GNS: variants seen among roughly 807,000 people sequenced by gnomAD.
GNS encodes the protein N-acetylglucosamine-6-sulfatase.
Under a neutral mutation model 69.7 loss-of-function variants are expected in GNS, and 40 were observed. That is an observed-to-expected ratio of 0.57 (90% CI 0.45 to 0.75). The LOEUF is 0.75. GNS is among the 30% of genes least tolerant of loss of function. The pLI, the probability that GNS is intolerant of heterozygous loss-of-function variation, is 0.00. For missense variants in GNS, 565 were observed against 685.5 expected (o/e 0.82, Z 1.96); for synonymous variants, 243 against 251.6 (o/e 0.97, Z 0.32).
chr12:64,752,726 C>G lies in GNS; in HGVS notation c.224G>C (p.Gly75Ala). The G allele has an allele frequency of 6.5e-7, 1 of 1,536,284 alleles. No individual in the cohort carries two copies. The highest frequency in any genetic ancestry group is 1.1e-5 in the South Asian group (1 of 89,124). The change falls in exon 2 of 14, where the codon GGA becomes GCA. Residue 75 changes from glycine to alanine, a missense_variant. By Grantham distance (60) the Gly-to-Ala change is moderately conservative. Coordinates refer to ENST00000258145, the MANE Select transcript of GNS (RefSeq NM_002076.4). Reference protein sequence around the residue: ...TPLKKTKALIGEMGMTFSSAY... With the variant: ...TPLKKTKALIAEMGMTFSSAY... ...ACTGGAAAAAGTCATCCCCATCTCT[C>G]CGATGAGAGCTTTGGTTTTCTTTAG...
chr12:64,750,255 G>C lies in GNS; in HGVS notation c.253-2337C>G, dbSNP rs140652675. On this transcript the variant is annotated intron_variant, in intron 2 of 13. Transcript: ENST00000258145. ...TAGAGATGGGGTTTCACCATGTTGG[G>C]TAGGCTGGTCTCGAACTCCTGACCT... is the stretch of plus-strand genomic sequence containing the variant. Among the ~76,000 whole-genome samples the C allele has an allele frequency of 2.0e-5, 3 of 151,972 alleles. No individual in the cohort carries two copies. The East Asian group carries it at 5.8e-4, about 30-fold the overall frequency.
At chr12:64,723,140 T>C in intron 10 of GNS, 27 bp from the exon 11 acceptor site, 1 of 1,295,634 alleles carries the variant, frequency 7.7e-7, no homozygotes, top group Non-Finnish European at 1.1e-6. Context: ...GTGGAATTTC[T>C]GTGATGCACA....
intron 9 of GNS, among the ~76,000 whole-genome samples, chr12:64,733,167 G>A (rs2136242693): frequency 6.6e-6 from 1 of 151,724 alleles, no homozygotes; most frequent in South Asian, 2.1e-4. Flanking sequence ...GCATGGTGGT[G>A]TGCACCTATA....
At position 64,719,854 on chromosome 12, in the gene GNS, CA is replaced by C. The variant is rs377496760; in HGVS notation, c.1580+167del. On this transcript the variant is annotated intron_variant, in intron 13 of 13. Coordinates refer to ENST00000258145, the MANE Select transcript of GNS (RefSeq NM_002076.4). ...AACTGGCAGTGGAGAACAAAAGTTT[CA>C]AAAGCTTGATTTTCCCAGCACAACG... Among the ~76,000 whole-genome samples the C allele has an allele frequency of 2.5e-4, 38 of 152,264 alleles. No individual in the cohort carries two copies. The East Asian group carries it at 4.2e-3, about 17-fold the overall frequency.
intron 9 of GNS, among the ~76,000 whole-genome samples, chr12:64,732,175 T>TTTTTTTTTTTTTTTTTTTC (rs1869420562): frequency 8.6e-6 from 1 of 116,876 alleles, no homozygotes; most frequent in Non-Finnish European, 1.8e-5. Flanking sequence ...TGTTGTTTTT[T>TTTTTTTTTTTTTTTTTTTC]TTTTTTTTTT....
At chr12:64,735,932 A>C (rs530679613) in intron 9 of GNS, among the ~76,000 whole-genome samples, 18 of 152,366 alleles carry the variant, frequency 1.2e-4, no homozygotes, top group African/African-American at 4.3e-4. Flanking sequence ...AGTGTTTTAA[A>C]AGGAAATAAG....
chr12:64,738,873 T>C (rs571960563), intron 8 of GNS, among the ~76,000 whole-genome samples: 1 of 152,102 alleles, frequency 6.6e-6, no homozygotes, highest in Non-Finnish European at 1.5e-5. Flanking sequence ...TCTCCTCCTA[T>C]GCAAGCAAGT....
chr12:64,753,344 G>A (rs1870141743), intron 1 of GNS, among the ~76,000 whole-genome samples: 2 of 152,218 alleles, frequency 1.3e-5, no homozygotes, highest in South Asian at 4.1e-4. Flanking sequence ...AGGCTACTCA[G>A]AAACTATTTT....
At chr12:64,732,703 C>T (rs967059982) in intron 9 of GNS, among the ~76,000 whole-genome samples, 2 of 152,104 alleles carry the variant, frequency 1.3e-5, no homozygotes, top group East Asian at 1.9e-4. Context: ...CCTCCTGATC[C>T]GCCTGCCTCG....
At position 64,715,651 on chromosome 12, in the gene GNS, G is replaced by C. The variant is rs923459322; in HGVS notation, c.*1090C>G. On this transcript the variant is annotated 3_prime_UTR_variant, in exon 14 of 14. Coordinates refer to ENST00000258145, the MANE Select transcript of GNS (RefSeq NM_002076.4). ...GAAGAACCCATCTAAAAGGGGAGAA[G>C]GTAGGGTAAAGTAGTTGATACTTTG... 6.5e-6 allele frequency: 1 copy of C among 154,318 alleles called. No individual in the cohort carries two copies. Among genetic ancestry groups the C allele is most frequent in the Admixed American group, 6.5e-5 (1 of 15,292 alleles). 9.6% of individuals were successfully genotyped at this position (154,318 alleles called of 1,614,324 possible). A position where few individuals can be genotyped will look rare whatever the true frequency, so the allele number is the denominator to read the frequency against.
rs146081903 is a variant in GNS, at chr12:64,734,411, C to T, written c.1098+2593G>A. Among the ~76,000 whole-genome samples, 176 of 152,208 alleles carry T rather than the reference C, an allele frequency of 1.2e-3. 2 individuals are homozygous for T. Among genetic ancestry groups the T allele is most frequent in the African/African-American group, 4.0e-3 (167 of 41,518 alleles). On this transcript the variant is annotated intron_variant, in intron 9 of 13. Transcript: ENST00000258145. ...GAACATATAGGAAGGGGCATCTACC[C>T]CATGTGGGAGCAGGATTATGAAGCG...
Position 64,759,098 on chromosome 12 carries a change from A to T in GNS, c.179T>A (p.Val60Glu). 6.4e-7 allele frequency: 1 copy of T among 1,562,458 alleles called. No homozygotes were observed. Among genetic ancestry groups the T allele is most frequent in the Non-Finnish European group, 8.7e-7 (1 of 1,153,342 alleles). Residue 60 changes from valine to glutamate, a missense_variant, in exon 1 of 14, where the codon GTG (valine) becomes GAG (glutamate). By Grantham distance (121) the Val-to-Glu change is moderately radical. Coordinates refer to ENST00000258145, the MANE Select transcript of GNS (RefSeq NM_002076.4). The part of the protein sequence containing the change: ...VLLLTDDQDE[V>E]LGGMTPLKKT... ...CAGAAGAGTTACCATGCCGCCGAGC[A>T]CTTCGTCCTGGTCGTCCGTGAGGAG...
intron 1 of GNS, chr12:64,753,046 T>G: frequency 2.2e-6 from 1 of 454,626 alleles, no homozygotes; most frequent in East Asian, 4.3e-5. Context: ...ATAAGGCAGA[T>G]AGGGCAGACC....
At chr12:64,742,228 G>A (rs754853565) in intron 6 of GNS, among the ~76,000 whole-genome samples, 14 of 152,206 alleles carry the variant, frequency 9.2e-5, no homozygotes, top group Non-Finnish European at 1.8e-4. Flanking sequence ...CACTGTGTTA[G>A]CCAGGATGGT....
intron 8 of GNS, among the ~76,000 whole-genome samples, chr12:64,738,050 C>T (rs1869607505): frequency 6.6e-6 from 1 of 151,344 alleles, no homozygotes; most frequent in Non-Finnish European, 1.5e-5. Context: ...CGCTCTGTCA[C>T]CCACACTGGA....
At position 64,716,522 on chromosome 12, in the gene GNS, G is replaced by C. The variant is rs147744724; in HGVS notation, c.*219C>G. ...GGAGTGTCCTTGTCAGCTAAAGGAAGAGACCAGAGACAGCCACTCCTGACA... is the reference window on the plus strand; with the variant it reads ...GGAGTGTCCTTGTCAGCTAAAGGAACAGACCAGAGACAGCCACTCCTGACA... On this transcript the variant is annotated 3_prime_UTR_variant, in exon 14 of 14. Coordinates refer to ENST00000258145, the MANE Select transcript of GNS (RefSeq NM_002076.4). 27 of 598,706 alleles carry C rather than the reference G, an allele frequency of 4.5e-5. No homozygotes were observed. Among genetic ancestry groups the C allele is most frequent in the Non-Finnish European group, 7.9e-5 (26 of 330,526 alleles). The allele number at this position is 598,706 out of a possible 1,614,324, so 37.1% of individuals were successfully genotyped here.
intron 10 of GNS, among the ~76,000 whole-genome samples, chr12:64,727,526 G>A (rs1356050827): frequency 6.6e-6 from 1 of 152,130 alleles, no homozygotes; most frequent in Non-Finnish European, 1.5e-5. Context: ...TAAATAAAAT[G>A]TGATATATTC....
At chr12:64,741,397 T>C (rs1292670710) in intron 6 of GNS, among the ~76,000 whole-genome samples, 2 of 151,768 alleles carry the variant, frequency 1.3e-5, no homozygotes, top group East Asian at 3.9e-4. Context: ...GCGATTTTCA[T>C]GCCTCAGCCA....
At position 64,743,280 on chromosome 12, in the gene GNS, T is replaced by C. The variant is rs777980972; in HGVS notation, c.653A>G (p.Tyr218Cys). ...LANVSLDFLD[Y>C]KSNFEPFFMM... ...GAAGAAGGGCTCAAAGTTGGACTTG[T>C]AGTCCAGAAAGTCCAAGGAGACATT... Residue 218 changes from tyrosine (Y) to cysteine (C), a missense_variant, in exon 6 of 14, where the codon TAC (tyrosine) becomes TGC (cysteine). Around this residue, in one of 2 missense-constraint regions of GNS, gnomAD observed 384 missense variants for 511.0 expected, o/e 0.75. Coordinates refer to ENST00000258145, the MANE Select transcript of GNS (RefSeq NM_002076.4). 3.1e-6 allele frequency: 5 copies of C among 1,612,468 alleles called. No homozygotes were observed. Among genetic ancestry groups the C allele is most frequent in the Non-Finnish European group, 3.4e-6 (4 of 1,178,632 alleles).
Sources: allele counts gnomAD v4.1 joint callset (sites outside exome capture counted in the v4.1 genomes callset), GRCh38; gene constraint gnomAD v4.1.1; regional missense constraint gnomAD v4.1.1; transcripts MANE v1.5; gene names NCBI Gene and HGNC (gene_info 2026-07-23, HGNC 2026-07-21).